EPC2: variants seen among roughly 807,000 people sequenced by gnomAD.
The protein encoded by EPC2 is enhancer of polycomb homolog 2.
In EPC2, 14 loss-of-function variants were observed where a neutral mutation model predicts 92.1. That is an observed-to-expected ratio of 0.15 (90% CI 0.10 to 0.24). The LOEUF (loss-of-function observed/expected upper bound fraction) is 0.24. Among genes scored for constraint, EPC2 ranks in the 10% least tolerant of loss-of-function variants. EPC2 has a pLI of 1.00. For synonymous variants in EPC2, 340 were observed against 334.7 expected, an observed-to-expected ratio of 1.02 and a Z score of -0.17; for missense variants, 755 against 971.5, an observed-to-expected ratio of 0.78 and a Z score of 2.96.
intron 4 of EPC2, among the ~76,000 whole-genome samples, chr2:148,760,893 T>C (rs1171799472): frequency 2.0e-5 from 3 of 152,236 alleles, no homozygotes; most frequent in African/African-American, 7.2e-5. Context: ...TTTCAGATTA[T>C]TAAATCAAGG....
intron 2 of EPC2, among the ~76,000 whole-genome samples, chr2:148,739,351 C>T (rs1356848338): frequency 6.6e-6 from 1 of 152,210 alleles, no homozygotes; most frequent in African/African-American, 2.4e-5. Context: ...TGGTAAGCCC[C>T]CTTTAACCTG....
At chr2:148,691,438 TAA>T (rs777588735) in intron 2 of EPC2, 33 of 1,394,532 alleles carry the variant, frequency 2.4e-5, no homozygotes, top group Non-Finnish European at 3.2e-5. Context: ...TTTGTATTTT[TAA>T]AGAGTTCCCT....
At chr2:148,743,314 T>A (rs12052527) in intron 2 of EPC2, among the ~76,000 whole-genome samples, 1 of 152,334 alleles carries the variant, frequency 6.6e-6, no homozygotes, top group East Asian at 1.9e-4. Flanking sequence ...AGTTTCTCAT[T>A]ATGCCACCAA....
At chr2:148,763,419 G>C (rs1200524317) in intron 6 of EPC2, among the ~76,000 whole-genome samples, 1 of 152,046 alleles carries the variant, frequency 6.6e-6, no homozygotes, top group Non-Finnish European at 1.5e-5. Flanking sequence ...GTATTTAATT[G>C]GGAAATATGA....
At chr2:148,650,858 A>T (rs1166591890) in intron 1 of EPC2, among the ~76,000 whole-genome samples, 1 of 152,210 alleles carries the variant, frequency 6.6e-6, no homozygotes, top group Admixed American at 6.5e-5. Context: ...TGTTATCTAA[A>T]TAAGATATTG....
chr2:148,709,834 A>G (rs938698742), intron 2 of EPC2, among the ~76,000 whole-genome samples: 2 of 152,230 alleles, frequency 1.3e-5, no homozygotes, highest in African/African-American at 4.8e-5. Flanking sequence ...TACATCTTAT[A>G]CAAAAGTTAA....
At chr2:148,659,727 T>A (rs1680895057) in intron 1 of EPC2, among the ~76,000 whole-genome samples, 1 of 151,812 alleles carries the variant, frequency 6.6e-6, no homozygotes, top group Non-Finnish European at 1.5e-5. Context: ...ACACAAAAAT[T>A]AAAAAAAATC....
intron 1 of EPC2, among the ~76,000 whole-genome samples, chr2:148,684,294 ACT>A (rs1156303210): frequency 6.6e-6 from 1 of 150,642 alleles, no homozygotes; most frequent in African/African-American, 2.4e-5. Flanking sequence ...ATTTTCTCCC[ACT>A]CTGTGGGTTG....
chr2:148,736,682 T>C (rs1011395946), intron 2 of EPC2, among the ~76,000 whole-genome samples: 1 of 152,156 alleles, frequency 6.6e-6, no homozygotes, highest in African/African-American at 2.4e-5. Flanking sequence ...CTACAGTTAC[T>C]TTTTTTCCAC....
chr2:148,720,878 G>A (rs1239917516), intron 2 of EPC2, among the ~76,000 whole-genome samples: 2 of 152,082 alleles, frequency 1.3e-5, no homozygotes, highest in Non-Finnish European at 2.9e-5. Context: ...TTCACTCGCC[G>A]CTTTCGTTCC....
chr2:148,724,812 A>G (rs966498860), intron 2 of EPC2, among the ~76,000 whole-genome samples: 5 of 152,100 alleles, frequency 3.3e-5, no homozygotes, highest in Admixed American at 2.6e-4. Flanking sequence ...TTGGGAGTTT[A>G]GGAATTTTAG....
chr2:148,741,602 G>T (rs190315105), intron 2 of EPC2, among the ~76,000 whole-genome samples: 1 of 152,066 alleles, frequency 6.6e-6, no homozygotes, highest in Non-Finnish European at 1.5e-5. Flanking sequence ...GACATTTCAC[G>T]TGGTATGAAT....
chr2:148,781,648 A>T lies in EPC2; in HGVS notation c.1725A>T (p.Thr575=), dbSNP rs201178099. 14 of 1,612,014 alleles carry T rather than the reference A, an allele frequency of 8.7e-6. No individual in the cohort carries two copies. Among genetic ancestry groups the T allele is most frequent in the Non-Finnish European group, 1.1e-5 (13 of 1,179,296 alleles). Residue 575 remains threonine, a synonymous_variant, in exon 11 of 14, where the codon ACA becomes ACT. Coordinates refer to ENST00000258484, the MANE Select transcript of EPC2 (RefSeq NM_015630.4). The part of the protein sequence containing the change: ...LNTSKNGISV[T]GGITEEQFQT... ...AAAATTCATGTTCTTTACCAGTAAC[A>T]GGGGGTATCACAGAAGAGCAGTTTC...
At chr2:148,778,977 A>C (rs965957091) in intron 10 of EPC2, among the ~76,000 whole-genome samples, 12 of 152,338 alleles carry the variant, frequency 7.9e-5, no homozygotes, top group Non-Finnish European at 1.2e-4. Flanking sequence ...TTTAGTATCA[A>C]AATCCACCTA....
At chr2:148,658,605 GTGTATATA>G (rs1260416005) in intron 1 of EPC2, among the ~76,000 whole-genome samples, 43 of 20,702 alleles carry the variant, frequency 2.1e-3, no homozygotes, top group African/African-American at 2.8e-3. Context: ...GTGTGTGTGT[GTGTATATA>G]TATATATATA....
At chr2:148,670,700 TTCTC>T (rs1168404563) in intron 1 of EPC2, among the ~76,000 whole-genome samples, 1 of 152,106 alleles carries the variant, frequency 6.6e-6, no homozygotes, top group African/African-American at 2.4e-5. Flanking sequence ...CCCTTGTCTA[TTCTC>T]TCTCCTCTTC....
chr2:148,754,161 G>C, intron 4 of EPC2, 28 bp downstream of exon 4: 2 of 1,528,242 alleles, frequency 1.3e-6, no homozygotes, highest in Non-Finnish European at 1.8e-6. Flanking sequence ...TTTCATTGAA[G>C]GTAGCTTAAT....
chr2:148,769,581 T>C (rs1451800330), intron 8 of EPC2, among the ~76,000 whole-genome samples: 3 of 152,220 alleles, frequency 2.0e-5, no homozygotes, highest in South Asian at 4.1e-4. Context: ...CTTTGATGGC[T>C]GCTAGGTGTT....
chr2:148,692,869 TAAA>T (rs1344752717), intron 2 of EPC2: 1 of 152,152 alleles, frequency 6.6e-6, no homozygotes, highest in East Asian at 1.9e-4. Flanking sequence ...TCTATTATTG[TAAA>T]AAACAATAAA....
Sources: gnomAD v4.1 joint callset for allele counts (sites outside exome capture counted in the v4.1 genomes callset) on GRCh38, gnomAD v4.1.1 for gene constraint, MANE v1.5 for transcripts, NCBI Gene and HGNC (gene_info 2026-07-23, HGNC 2026-07-21) for gene names.